The following RGS6 variants were observed in gnomAD, a reference collection of about 807,000 sequenced individuals.
RGS6 encodes the protein regulator of G-protein signaling 6.
In RGS6, 30 loss-of-function variants were observed where a neutral mutation model predicts 78.5. The observed-to-expected ratio is 0.38, with a 90% CI of 0.29 to 0.52. RGS6 has a LOEUF of 0.52. RGS6 is among the 20% of genes least tolerant of loss of function. The pLI is 0.85. For missense variants in RGS6, 495 were observed against 609.7 expected (o/e 0.81, Z 1.98); for synonymous variants, 206 against 206.0 (o/e 1.00, Z 0.00).
At chr14:72,005,181 T>A (rs1175683128) in intron 2 of RGS6, among the ~76,000 whole-genome samples, 1 of 152,168 alleles carries the variant, frequency 6.6e-6, no homozygotes, top group Non-Finnish European at 1.5e-5. Context: ...AATAAAATAG[T>A]GTGAGCCTAT....
rs1214592075 is a variant in RGS6, at chr14:71,941,911, C to T, written c.-21+8970C>T. Among the ~76,000 whole-genome samples, 4 of 152,310 alleles carry T rather than the reference C, an allele frequency of 2.6e-5. No individual in the cohort carries two copies. In the East Asian group the frequency reaches 7.7e-4, roughly 29 times the overall value. On this transcript the variant is annotated intron_variant, in intron 1 of 17. Transcript: ENST00000553525. ...CTTACAGGCCAAAATGCCTGTTTGA[C>T]TTTTCACAGGCTTTCACAGTAAGCT...
At chr14:71,960,693 T>C (rs1323827413) in intron 1 of RGS6, among the ~76,000 whole-genome samples, 1 of 152,238 alleles carries the variant, frequency 6.6e-6, no homozygotes, top group East Asian at 1.9e-4. Flanking sequence ...CACTTGGCTG[T>C]CTCCCACTTA....
intron 2 of RGS6, among the ~76,000 whole-genome samples, chr14:72,031,242 A>C (rs2090841596): frequency 6.6e-6 from 1 of 152,150 alleles, no homozygotes; most frequent in Non-Finnish European, 1.5e-5. Context: ...TATTTTACCC[A>C]TTAGTGATAA....
chr14:72,427,735 C>A (rs1223083137), intron 3 of RGS6, among the ~76,000 whole-genome samples: 1 of 152,174 alleles, frequency 6.6e-6, no homozygotes, highest in Non-Finnish European at 1.5e-5. Context: ...ACACCATTAT[C>A]CATGAAGGGG....
At chr14:71,928,189 A>G (rs1261368430), upstream of RGS6, among the ~76,000 whole-genome samples, 1 of 152,174 alleles carries the variant, frequency 6.6e-6, no homozygotes, top group Non-Finnish European at 1.5e-5. Context: ...AGTTTTAATA[A>G]GTACCCCAGG....
At chr14:72,531,637 T>C (rs764003292) in intron 15 of RGS6, among the ~76,000 whole-genome samples, 36 of 152,186 alleles carry the variant, frequency 2.4e-4, no homozygotes, top group Non-Finnish European at 1.3e-4. Context: ...AGACATTTTC[T>C]GCTTTCTACT....
the RGS6 span, among the ~76,000 whole-genome samples, chr14:71,926,456 T>C: frequency 6.6e-6 from 1 of 151,974 alleles, no homozygotes; most frequent in Admixed American, 6.6e-5. Context: ...TGGTGGTGCA[T>C]GCCTGTAATC....
the RGS6 span, among the ~76,000 whole-genome samples, chr14:71,887,921 A>G: frequency 6.6e-5 from 10 of 152,078 alleles, no homozygotes; most frequent in Non-Finnish European, 1.0e-4. Flanking sequence ...GTACCTACTC[A>G]CTGTTCTTAC....
At chr14:72,614,466 C>A in the RGS6 span, among the ~76,000 whole-genome samples, 1 of 152,164 alleles carries the variant, frequency 6.6e-6, no homozygotes, top group Non-Finnish European at 1.5e-5. Flanking sequence ...CAGTCCCCCT[C>A]TTCCCTTCCC....
chr14:72,052,254 A>C (rs932756864), intron 2 of RGS6, among the ~76,000 whole-genome samples: 1 of 152,160 alleles, frequency 6.6e-6, no homozygotes. Context: ...GACAACAGAT[A>C]TTTTCAGTTC....
At chr14:72,576,606 A>C in the RGS6 span, among the ~76,000 whole-genome samples, 2 of 152,184 alleles carry the variant, frequency 1.3e-5, no homozygotes, top group East Asian at 1.9e-4. Context: ...ATCTGTTACG[A>C]TATTGTTTTG....
rs116326755 is a variant in RGS6 at position 72,104,208 on chromosome 14, T to C, written c.84+139333T>C. On this transcript the variant is annotated intron_variant, in intron 2 of 17. Transcript: ENST00000553525. ...CCCCCGGTTTTGCTCTCTCCCCCTC[T>C]AGGTGGCGCTGTCGGGGATCCCCAG... Among the ~76,000 whole-genome samples the C allele has an allele frequency of 4.7e-3, 722 of 152,298 alleles. 9 individuals carry two copies. Among genetic ancestry groups the C allele is most frequent in the African/African-American group, 0.017 (692 of 41,568 alleles).
At chr14:72,249,786 C>T (rs1182886562) in intron 2 of RGS6, among the ~76,000 whole-genome samples, 1 of 152,018 alleles carries the variant, frequency 6.6e-6, no homozygotes, top group Non-Finnish European at 1.5e-5. Flanking sequence ...AAGACACATG[C>T]ACACGTATGT....
intron 3 of RGS6, among the ~76,000 whole-genome samples, chr14:72,445,147 A>G (rs560971454): frequency 2.0e-5 from 3 of 152,162 alleles, no homozygotes; most frequent in Admixed American, 2.0e-4. Flanking sequence ...TTGCTACCTA[A>G]TATTTGTTTA....
At chr14:72,008,776 C>G (rs1383390568) in intron 2 of RGS6, among the ~76,000 whole-genome samples, 1 of 152,132 alleles carries the variant, frequency 6.6e-6, no homozygotes, top group Non-Finnish European at 1.5e-5. Flanking sequence ...TCAGATGATG[C>G]AGACCAGATT....
intron 2 of RGS6, among the ~76,000 whole-genome samples, chr14:72,298,876 T>C (rs1329431556): frequency 2.0e-5 from 3 of 152,202 alleles, no homozygotes; most frequent in African/African-American, 4.8e-5. Context: ...CTCAAACATT[T>C]AGTAGAATTT....
chr14:72,555,576 C>G (rs567253693), intron 17 of RGS6, among the ~76,000 whole-genome samples: 1 of 152,200 alleles, frequency 6.6e-6, no homozygotes, highest in Non-Finnish European at 1.5e-5. Context: ...CTCCTTCATC[C>G]CTGAGTGTTT....
the RGS6 span, among the ~76,000 whole-genome samples, chr14:72,623,281 C>T: frequency 6.6e-6 from 1 of 151,936 alleles, no homozygotes; most frequent in Non-Finnish European, 1.5e-5. Context: ...ATATTTTACA[C>T]AGTCATAAAA....
chr14:71,976,114 T>G (rs1347164130), intron 2 of RGS6, among the ~76,000 whole-genome samples: 2 of 151,852 alleles, frequency 1.3e-5, no homozygotes, highest in Non-Finnish European at 2.9e-5. Context: ...ATTTTGTCAT[T>G]TAATTCCTAA....
Sources: gnomAD v4.1 joint callset for allele counts (sites outside exome capture counted in the v4.1 genomes callset) on GRCh38, gnomAD v4.1.1 for gene constraint, MANE v1.5 for transcripts, NCBI Gene and HGNC (gene_info 2026-07-23, HGNC 2026-07-21) for gene names.